GPR158: variants seen among roughly 807,000 people sequenced by gnomAD.
The protein encoded by GPR158 is G protein-coupled receptor 158, also known as metabotropic glycine receptor.
In GPR158, 30 loss-of-function variants were observed where a neutral mutation model predicts 78.2. That is an observed-to-expected ratio of 0.38 (90% CI 0.29 to 0.52). GPR158 has a LOEUF of 0.52. Ranked by LOEUF, GPR158 falls within the 20% of genes least tolerant of loss-of-function variation. The pLI is 0.83. For synonymous variants in GPR158, 581 were observed against 591.1 expected (o/e 0.98, Z 0.25); for missense variants, 1,463 against 1,523.5 (o/e 0.96, Z 0.66).
chr10:25,487,706 A>G (rs1835753817), intron 5 of GPR158, among the ~76,000 whole-genome samples: 1 of 133,424 alleles, frequency 7.5e-6, no homozygotes, highest in African/African-American at 3.9e-5. Flanking sequence ...TTTTATTCAT[A>G]TAGGGTAAGT....
At position 25,419,368 on chromosome 10, in the gene GPR158, A is replaced by G. The variant is rs989952877; in HGVS notation, c.1335+6895A>G. Among the ~76,000 whole-genome samples the G allele has an allele frequency of 2.0e-5, 3 of 152,170 alleles. No homozygotes were observed. In the South Asian group the frequency reaches 6.2e-4, roughly 31 times the overall value. ...ATGAATAACATTTTATCATATCTAT[A>G]TACCACATTTTGTTTTTCCGTTCAT... On this transcript the variant is annotated intron_variant, in intron 4 of 10. Coordinates refer to ENST00000376351, the MANE Select transcript of GPR158 (RefSeq NM_020752.3).
chr10:25,577,832 A>AATC (rs1837124837), intron 7 of GPR158, among the ~76,000 whole-genome samples: 1 of 151,886 alleles, frequency 6.6e-6, no homozygotes, highest in Non-Finnish European at 1.5e-5. Flanking sequence ...TATAATTTTC[A>AATC]ATCATTTTGT....
intron 2 of GPR158, among the ~76,000 whole-genome samples, chr10:25,278,779 T>G (rs1158059234): frequency 6.6e-6 from 1 of 151,480 alleles, no homozygotes; most frequent in Non-Finnish European, 1.5e-5. Context: ...AAAATTAAGT[T>G]TATCTGAAGT....
intron 5 of GPR158, among the ~76,000 whole-genome samples, chr10:25,531,321 G>C (rs1242097863): frequency 1.3e-5 from 2 of 152,058 alleles, no homozygotes; most frequent in East Asian, 3.9e-4. Flanking sequence ...ACATCAAGTA[G>C]GTAACAAAAA....
At chr10:25,428,519 A>G (rs899675504) in intron 4 of GPR158, among the ~76,000 whole-genome samples, 1 of 152,064 alleles carries the variant, frequency 6.6e-6, no homozygotes, top group Non-Finnish European at 1.5e-5. Flanking sequence ...ATTAAAAAGC[A>G]TATGTACTCC....
At chr10:25,372,887 T>C (rs1426630757) in intron 2 of GPR158, among the ~76,000 whole-genome samples, 1 of 151,250 alleles carries the variant, frequency 6.6e-6, no homozygotes, top group Non-Finnish European at 1.5e-5. Context: ...AAATGGAAAT[T>C]AATACAAAGA....
intron 1 of GPR158, among the ~76,000 whole-genome samples, chr10:25,220,059 T>C (rs573910525): frequency 1.3e-5 from 2 of 152,334 alleles, no homozygotes; most frequent in South Asian, 4.1e-4. Context: ...GATATCATAA[T>C]GAAAAATTGT....
intron 5 of GPR158, chr10:25,476,029 GAGATTATCATCATTGTGC>G (rs1414113172): frequency 6.6e-6 from 1 of 152,114 alleles, no homozygotes; most frequent in Non-Finnish European, 1.5e-5. Context: ...GTCCAAATTA[GAGATTATCATCATTGTGC>G]AGATGAGGAC....
At chr10:25,555,041 G>A (rs1232045896) in intron 6 of GPR158, among the ~76,000 whole-genome samples, 1 of 151,584 alleles carries the variant, frequency 6.6e-6, no homozygotes, top group Non-Finnish European at 1.5e-5. Flanking sequence ...AGAAAAGAAG[G>A]AAGGAAAAGG....
At chr10:25,177,276 C>T (rs1032779466) in intron 1 of GPR158, among the ~76,000 whole-genome samples, 1 of 152,116 alleles carries the variant, frequency 6.6e-6, no homozygotes, top group African/African-American at 2.4e-5. Context: ...TTTCTAGAAG[C>T]AACCTTTAAG....
chr10:25,256,373 T>A (rs2130728758), intron 2 of GPR158, among the ~76,000 whole-genome samples: 1 of 152,316 alleles, frequency 6.6e-6, no homozygotes, highest in Admixed American at 6.5e-5. Flanking sequence ...TGTGCTTGGC[T>A]GGGTGCAGTG....
chr10:25,232,054 G>T (rs1219912886), intron 2 of GPR158, among the ~76,000 whole-genome samples: 1 of 152,074 alleles, frequency 6.6e-6, no homozygotes, highest in Non-Finnish European at 1.5e-5. Context: ...TCAACTCAGT[G>T]GGAGAACATC....
In GPR158 at chr10:25,412,927, A is replaced by T. The variant is rs376220076; in HGVS notation, c.1335+454A>T. ...GAAGAATGAATTTATTTATGACCTT[A>T]TATTTTGTCTTACATTAGTGTCCCA... On this transcript the variant is annotated intron_variant, in intron 4 of 10. Coordinates refer to ENST00000376351, the MANE Select transcript of GPR158 (RefSeq NM_020752.3). Among the ~76,000 whole-genome samples the T allele has an allele frequency of 7.9e-5, 12 of 152,340 alleles. No individual in the cohort carries two copies. In the South Asian group the frequency reaches 2.3e-3, roughly 29 times the overall value.
Position 25,599,373 on chromosome 10 carries a change from GA to G in GPR158, c.*103del. 1 of 968,644 alleles carries G rather than the reference GA, an allele frequency of 1.0e-6. No homozygotes were observed. The highest frequency in any genetic ancestry group is 1.5e-6 in the Non-Finnish European group (1 of 656,696). The allele number at this position is 968,644 out of a possible 1,614,324, so 60.0% of individuals were successfully genotyped here. A position where few individuals can be genotyped will look rare whatever the true frequency, so the allele number is the denominator to read the frequency against. On this transcript the variant is annotated 3_prime_UTR_variant, in exon 11 of 11. Transcript: ENST00000376351. ...TCCCAAGGAGGATTTGTCAATCAAG[GA>G]AAACATGACAGATGGTGAGGTAAAG...
At chr10:25,547,281 A>T (rs1263225185) in intron 5 of GPR158, among the ~76,000 whole-genome samples, 2 of 152,132 alleles carry the variant, frequency 1.3e-5, no homozygotes, top group African/African-American at 4.8e-5. Flanking sequence ...CTCAACTCAG[A>T]GAGCTTTAAT....
chr10:25,187,741 C>T (rs1852708454), intron 1 of GPR158, among the ~76,000 whole-genome samples: 2 of 152,338 alleles, frequency 1.3e-5, no homozygotes, highest in African/African-American at 4.8e-5. Context: ...GATGCCCTCT[C>T]TCACCACTCC....
At chr10:25,321,582 C>A (rs1262803440) in intron 2 of GPR158, among the ~76,000 whole-genome samples, 2 of 152,144 alleles carry the variant, frequency 1.3e-5, no homozygotes, top group African/African-American at 2.4e-5. Flanking sequence ...TTGATTAGAA[C>A]CATCCTGGAC....
At position 25,429,877 on chromosome 10, in the gene GPR158, A is replaced by G. The variant is rs558830750; in HGVS notation, c.1335+17404A>G. On this transcript the variant is annotated intron_variant, in intron 4 of 10. Coordinates refer to ENST00000376351, the MANE Select transcript of GPR158 (RefSeq NM_020752.3). ...GACGTATCTCAAAATAATAAGAGCT[A>G]TCTATGACAAACCCACAGCCAATAT... Among the ~76,000 whole-genome samples the G allele has an allele frequency of 6.9e-3, 977 of 140,866 alleles. 3 individuals carry two copies. Among genetic ancestry groups the G allele is most frequent in the Non-Finnish European group, 0.011 (704 of 65,166 alleles). 92.4% of individuals were successfully genotyped at this position (140,866 alleles called of 152,430 possible).
intron 5 of GPR158, among the ~76,000 whole-genome samples, chr10:25,530,777 C>T (rs1430186453): frequency 6.6e-6 from 1 of 152,206 alleles, no homozygotes; most frequent in African/African-American, 2.4e-5. Context: ...TTAACTCCTT[C>T]TCAGTCACTC....
Sources: allele counts gnomAD v4.1 joint callset (sites outside exome capture counted in the v4.1 genomes callset), GRCh38; gene constraint gnomAD v4.1.1; transcripts MANE v1.5; gene names NCBI Gene and HGNC (gene_info 2026-07-23, HGNC 2026-07-21).